Variants in FRMD4A observed in about 807,000 individuals in gnomAD.
FRMD4A encodes the protein FERM domain containing 4A, also known as FERM domain-containing protein 4A.
FRMD4A carries 29 observed loss-of-function variants against 129.1 expected under a neutral mutation model. That is an observed-to-expected ratio of 0.22 (90% confidence interval 0.17 to 0.31). FRMD4A has a LOEUF of 0.31. Ranked by LOEUF, FRMD4A falls within the 10% of genes least tolerant of loss-of-function variation. The pLI, the probability that FRMD4A is intolerant of heterozygous loss-of-function variation, is 1.00. For synonymous variants in FRMD4A, 634 were observed against 571.6 expected (o/e 1.11, Z -1.56); for missense variants, 1,272 against 1,375.8 (o/e 0.92, Z 1.19).
chr10:13,960,791 C>T (rs1430894504), intron 2 of FRMD4A, among the ~76,000 whole-genome samples: 2 of 152,094 alleles, frequency 1.3e-5, no homozygotes, highest in African/African-American at 4.8e-5. Context: ...AGAAGAGGAG[C>T]CCCACTTCTT....
At chr10:14,245,032 C>T (rs1278042640) in intron 2 of FRMD4A, among the ~76,000 whole-genome samples, 1 of 152,198 alleles carries the variant, frequency 6.6e-6, no homozygotes, top group Non-Finnish European at 1.5e-5. Context: ...CTCTTACATC[C>T]CTTGAATATG....
At chr10:13,917,514 T>G (rs759068462) in intron 2 of FRMD4A, among the ~76,000 whole-genome samples, 2 of 152,144 alleles carry the variant, frequency 1.3e-5, no homozygotes, top group African/African-American at 4.8e-5. Context: ...GGTCTTGAAC[T>G]CCTGGCCTCA....
At position 14,211,341 on chromosome 10, in the gene FRMD4A, A is replaced by G. The variant is rs1022346028; in HGVS notation, c.45+118717T>C. On this transcript the variant is annotated intron_variant, in intron 2 of 24. Transcript: ENST00000357447. ...CTTGGAAAAGTGAGGCTGCTTGCTC[A>G]GTGTTCCTGATTCAGTGAGAGGCAG... 1.1e-4 allele frequency among the ~76,000 whole-genome samples: 17 copies of G among 152,166 alleles called. 1 individual carries two copies. Among genetic ancestry groups the G allele is most frequent in the Admixed American group, 8.5e-4 (13 of 15,272 alleles).
At chr10:13,959,725 T>C (rs754423058) in intron 2 of FRMD4A, among the ~76,000 whole-genome samples, 1 of 152,156 alleles carries the variant, frequency 6.6e-6, no homozygotes, top group Non-Finnish European at 1.5e-5. Context: ...GCTCAGTTTC[T>C]ACCCGGGAGC....
intron 15 of FRMD4A, among the ~76,000 whole-genome samples, chr10:13,681,255 G>T (rs1308820357): frequency 6.6e-6 from 1 of 152,204 alleles, no homozygotes; most frequent in East Asian, 1.9e-4. Flanking sequence ...CGGGCTGGAA[G>T]GGTGTGTCTC....
intron 3 of FRMD4A, among the ~76,000 whole-genome samples, chr10:13,844,209 C>T (rs1407604203): frequency 6.6e-6 from 1 of 151,924 alleles, no homozygotes; most frequent in Non-Finnish European, 1.5e-5. Context: ...TTGACAGACC[C>T]ACCAAACTTA....
At chr10:13,811,042 T>C in intron 3 of FRMD4A, 134 bp from the exon 4 acceptor site, 1 of 556,788 alleles carries the variant, frequency 1.8e-6, no homozygotes, top group Non-Finnish European at 3.2e-6. Flanking sequence ...ATGATTTTTA[T>C]AAACCCAAAC....
At position 13,858,920 on chromosome 10, in the gene FRMD4A, G is replaced by A; in HGVS notation, c.46-8C>T. 7.6e-6 allele frequency: 12 copies of A among 1,568,972 alleles called. No homozygotes were observed. Among genetic ancestry groups the A allele is most frequent in the Non-Finnish European group, 1.1e-5 (12 of 1,138,980 alleles). ...TCGGCGGCCCTCCGTCATCTAAGAG[G>A]GAAGAGAAATGGTAGTCACTGAGAG... On this transcript the variant is annotated splice_region_variant and splice_polypyrimidine_tract_variant and intron_variant, in intron 2 of 24. Transcript: ENST00000357447.
intron 2 of FRMD4A, among the ~76,000 whole-genome samples, chr10:14,115,129 C>G (rs960662336): frequency 6.6e-6 from 1 of 152,216 alleles, no homozygotes; most frequent in African/African-American, 2.4e-5. Flanking sequence ...GAGAGCCTGT[C>G]CCCTGGAAGC....
intron 2 of FRMD4A, among the ~76,000 whole-genome samples, chr10:14,209,718 CAAA>C (rs34707420): frequency 1.8e-5 from 2 of 108,548 alleles, no homozygotes; most frequent in Admixed American, 1.9e-4. Flanking sequence ...GAGACTGTCT[CAAA>C]AAAAAAAAAA....
chr10:13,798,416 A>G lies in FRMD4A; in HGVS notation c.207-1828T>C, dbSNP rs148924895. 1.9e-3 allele frequency among the ~76,000 whole-genome samples: 282 copies of G among 152,084 alleles called. 2 individuals carry two copies. The highest frequency in any genetic ancestry group is 5.7e-3 in the African/African-American group (238 of 41,456). On this transcript the variant is annotated intron_variant, in intron 4 of 24. Transcript: ENST00000357447. Reference sequence around the variant, plus strand: ...GACAGAGACTCTGTCTCAAGAAAAAATAAATAAATAGGACGGGCGTGGTGG... The same window carrying G: ...GACAGAGACTCTGTCTCAAGAAAAAGTAAATAAATAGGACGGGCGTGGTGG...
intron 12 of FRMD4A, among the ~76,000 whole-genome samples, chr10:13,730,635 C>A (rs563020873): frequency 6.6e-6 from 1 of 152,038 alleles, no homozygotes; most frequent in Non-Finnish European, 1.5e-5. Context: ...ACCTCAGCAG[C>A]GCTTCTTTCT....
At chr10:13,805,624 T>C (rs1425921007) in intron 4 of FRMD4A, among the ~76,000 whole-genome samples, 1 of 152,232 alleles carries the variant, frequency 6.6e-6, no homozygotes, top group Admixed American at 6.5e-5. Context: ...TTATAGGCTA[T>C]AGCTTCTGAT....
chr10:14,078,802 A>T (rs1474687157), intron 2 of FRMD4A, among the ~76,000 whole-genome samples: 5 of 151,438 alleles, frequency 3.3e-5, no homozygotes, highest in Non-Finnish European at 2.9e-5. Flanking sequence ...TACTATGTCA[A>T]CCTCTCCCTG....
At chr10:14,128,465 T>A (rs1839050214) in intron 2 of FRMD4A, among the ~76,000 whole-genome samples, 1 of 152,092 alleles carries the variant, frequency 6.6e-6, no homozygotes, top group Non-Finnish European at 1.5e-5. Context: ...CACTCAAATG[T>A]GAAGTTATTG....
At chr10:13,801,177 G>T (rs1387411924) in intron 4 of FRMD4A, among the ~76,000 whole-genome samples, 1 of 152,180 alleles carries the variant, frequency 6.6e-6, no homozygotes, top group African/African-American at 2.4e-5. Flanking sequence ...AACCTGGAAG[G>T]CAGAGGTTGC....
intron 11 of FRMD4A, 29 bp downstream of exon 11, chr10:13,740,165 G>A: frequency 7.3e-7 from 1 of 1,374,094 alleles, no homozygotes; most frequent in Non-Finnish European, 1.0e-6. Flanking sequence ...GGGGAGGTTT[G>A]GTAACCTTCA....
At position 13,660,414 on chromosome 10, in the gene FRMD4A, G is replaced by A. The variant is rs1158956449; in HGVS notation, c.1800C>T (p.Asp600=). Residue 600 remains aspartate (D), a synonymous_variant, in exon 20 of 25, where the codon GAC becomes GAT. Transcript: ENST00000357447. ...GLRQMHYHRN[D]YDKSPIKPKM... is the part of the protein sequence containing the mutation. ...TGGGCTTGATGGGTGACTTGTCATA[G>A]TCGTTGCGGTGATAGTGCATCTGTC... 4 of 1,614,126 alleles carry A rather than the reference G, an allele frequency of 2.5e-6. No homozygotes were observed. Among genetic ancestry groups the A allele is most frequent in the Middle Eastern group, 1.6e-4 (1 of 6,062 alleles).
intron 2 of FRMD4A, among the ~76,000 whole-genome samples, chr10:13,871,821 C>A (rs938412924): frequency 6.6e-6 from 1 of 152,264 alleles, no homozygotes; most frequent in Admixed American, 6.5e-5. Context: ...CTCCAGCTAC[C>A]TGGGGACCCA....
Sources: gnomAD v4.1 joint callset for allele counts (sites outside exome capture counted in the v4.1 genomes callset) on GRCh38, gnomAD v4.1.1 for gene constraint, MANE v1.5 for transcripts, NCBI Gene and HGNC (gene_info 2026-07-23, HGNC 2026-07-21) for gene names.